The following RPL3L variants were observed in gnomAD, a reference collection of about 807,000 sequenced individuals.
RPL3L encodes the protein ribosomal protein uL3-like.
RPL3L carries 44 observed loss-of-function variants against 44.5 expected under a neutral mutation model. The observed-to-expected ratio is 0.99, with a 90% CI of 0.78 to 1.27. RPL3L has a LOEUF of 1.27. Ranked by LOEUF, RPL3L falls within the 50% of genes most tolerant of loss-of-function variation. The pLI, the probability that RPL3L is intolerant of heterozygous loss-of-function variation, is 0.00. For missense variants in RPL3L, 631 were observed against 569.1 expected, an observed-to-expected ratio of 1.11 and a Z score of -1.11; for synonymous variants, 292 against 230.7, an observed-to-expected ratio of 1.27 and a Z score of -2.41.
rs1220448287 is a variant in RPL3L, at chr16:1,953,953, C to G, written c.196+3G>C. 2 of 1,517,070 alleles carry G rather than the reference C, an allele frequency of 1.3e-6. No individual in the cohort carries two copies. The highest frequency in any genetic ancestry group is 2.8e-5 in the African/African-American group (2 of 71,594). The allele number at this position is 1,517,070 out of a possible 1,614,324, so 94.0% of individuals were successfully genotyped here. ...TCCCCCAAGGGTCCCAACTGTGACTCACTGAGCCCCGGCCGGTGCACCTCC... is the reference window on the plus strand; with the variant it reads ...TCCCCCAAGGGTCCCAACTGTGACTGACTGAGCCCCGGCCGGTGCACCTCC... On this transcript the variant is annotated splice_donor_region_variant and intron_variant, in intron 2 of 9. Transcript: ENST00000268661.
Position 1,947,384 on chromosome 16 carries a change from C to T in RPL3L, c.502-4G>A, listed in dbSNP as rs79075024. On this transcript the variant is annotated splice_region_variant and splice_polypyrimidine_tract_variant and intron_variant, in intron 4 of 9. Coordinates refer to ENST00000268661, the MANE Select transcript of RPL3L (RefSeq NM_005061.3). Reference sequence around the variant, plus strand: ...GCCGGAAGGGCAGCAGTTTCATCTGCAGGACATGGCCGGAGGTCACGCCAC... The same window carrying T: ...GCCGGAAGGGCAGCAGTTTCATCTGTAGGACATGGCCGGAGGTCACGCCAC... 1.3e-5 allele frequency: 21 copies of T among 1,570,594 alleles called. No homozygotes were observed. Among genetic ancestry groups the T allele is most frequent in the Non-Finnish European group, 1.8e-5 (21 of 1,160,000 alleles).
chr16:1,947,381 C>G lies in RPL3L; in HGVS notation c.502-1G>C, dbSNP rs777857284. On this transcript the variant is annotated splice_acceptor_variant, in intron 4 of 9. Coordinates refer to ENST00000268661, the MANE Select transcript of RPL3L (RefSeq NM_005061.3). LOFTEE classifies it high-confidence loss of function. ...TCTGCCGGAAGGGCAGCAGTTTCAT[C>G]TGCAGGACATGGCCGGAGGTCACGC... is the stretch of plus-strand genomic sequence containing the variant. 6.3e-7 allele frequency: 1 copy of G among 1,577,668 alleles called. No individual in the cohort carries two copies. The highest frequency in any genetic ancestry group is 8.6e-7 in the Non-Finnish European group (1 of 1,163,272).
chr16:1,952,779 C>CCA, intron 3 of RPL3L, 95 bp downstream of exon 3: 1 of 1,443,502 alleles, frequency 6.9e-7, no homozygotes, highest in African/African-American at 1.4e-5. Flanking sequence ...TCCTACTCAC[C>CCA]CACACCTATC....
chr16:1,947,001 C>A lies in RPL3L; in HGVS notation c.786G>T (p.Val262=), dbSNP rs146832350. 3 of 1,611,822 alleles carry A rather than the reference C, an allele frequency of 1.9e-6. No homozygotes were observed. The highest frequency in any genetic ancestry group is 3.5e-4 in the Middle Eastern group (2 of 5,676). Residue 262 remains valine (V), a synonymous_variant, in exon 6 of 10, where the codon GTG becomes GTT. Transcript: ENST00000268661. The stretch of plus-strand genomic sequence containing the variant: ...GCCCGGCCCGAGCAATGGAGCAGCC[C>A]ACGCGGGCGGGGTGCCAGGCGCCAA... The part of the protein sequence containing the change: ...ACIGAWHPAR[V]GCSIARAGQK...
chr16:1,954,596 AC>A (rs751097447), intron 1 of RPL3L, 32 bp downstream of exon 1: 6 of 1,538,452 alleles, frequency 3.9e-6, no homozygotes, highest in Admixed American at 2.0e-5. Context: ...TCCAGCTCCA[AC>A]CCCAGCCCAC....
Position 1,951,672 on chromosome 16 carries a change from GT to G in RPL3L, c.366-694del, listed in dbSNP as rs367671338. On this transcript the variant is annotated intron_variant, in intron 3 of 9. Coordinates refer to ENST00000268661, the MANE Select transcript of RPL3L (RefSeq NM_005061.3). ...GCTGGAATTATAGGAATGAACCATTGTGCCCAGCCAGAAGCCATAGTTTCTA... is the reference window on the plus strand; with the variant it reads ...GCTGGAATTATAGGAATGAACCATTGGCCCAGCCAGAAGCCATAGTTTCTA... 3.2e-4 allele frequency among the ~76,000 whole-genome samples: 48 copies of G among 151,420 alleles called. No individual in the cohort carries two copies. In the East Asian group the frequency reaches 4.3e-3, roughly 13 times the overall value.
At position 1,945,892 on chromosome 16, in the gene RPL3L, G is replaced by A. The variant is rs752134949; in HGVS notation, c.990C>T (p.Phe330=). ...FPHYGEVNND[F]VMLKGCIAGT... ...CAGCAATACAACCCTTCAGCATGACGAAGTCGTTGTTCACTTCCCCGTAGT... is the reference window on the plus strand; with the variant it reads ...CAGCAATACAACCCTTCAGCATGACAAAGTCGTTGTTCACTTCCCCGTAGT... Residue 330 remains phenylalanine (F), a synonymous_variant, in exon 8 of 10, where the codon TTC becomes TTT. Coordinates refer to ENST00000268661, the MANE Select transcript of RPL3L (RefSeq NM_005061.3). 8.7e-6 allele frequency: 14 copies of A among 1,613,530 alleles called. No individual in the cohort carries two copies. The highest frequency in any genetic ancestry group is 4.5e-5 in the East Asian group (2 of 44,886).
intron 4 of RPL3L, among the ~76,000 whole-genome samples, chr16:1,948,746 TG>T (rs1400479867): frequency 5.4e-5 from 8 of 147,680 alleles, no homozygotes; most frequent in African/African-American, 2.0e-4. Context: ...GACGGAGTTT[TG>T]CTCTGTCGCC....
In RPL3L at chr16:1,947,198, G is replaced by C. The variant is rs767517736; in HGVS notation, c.684C>G (p.Val228=). 8 of 1,612,854 alleles carry C rather than the reference G, an allele frequency of 5.0e-6. No homozygotes were observed. In the Admixed American group the frequency reaches 1.0e-4, roughly 20 times the overall value. The part of the protein sequence containing the change: ...DVIAVTKGRG[V]KGVTSRWHTK... The stretch of plus-strand genomic sequence containing the variant: ...GCCATCCTCACTGAGCCCTACCTTT[G>C]ACGCCTCGACCCTTGGTGACAGCAA... Residue 228 remains valine, a synonymous_variant, in exon 5 of 10, where the codon GTC becomes GTG. Transcript: ENST00000268661.
chr16:1,948,159 C>G (rs182376352), intron 4 of RPL3L, among the ~76,000 whole-genome samples: 15 of 151,838 alleles, frequency 9.9e-5, no homozygotes, highest in Non-Finnish European at 1.5e-4. Context: ...GGATGGTCTG[C>G]ATCTCCTGAC....
intron 1 of RPL3L, 42 bp from the exon 2 acceptor site, chr16:1,954,190 T>A: frequency 6.7e-7 from 1 of 1,494,258 alleles, no homozygotes. Flanking sequence ...GGGGTGTCCC[T>A]GGTGGTAGAG....
rs1418349514 is a variant in RPL3L, at chr16:1,944,596, T to C, written c.*241A>G. On this transcript the variant is annotated 3_prime_UTR_variant, in exon 10 of 10. Coordinates refer to ENST00000268661, the MANE Select transcript of RPL3L (RefSeq NM_005061.3). ...TCCGCAAATGCTCAAAGAGATCGAT[T>C]TGAGTAATAATAAAACATAAAACTC... The C allele has an allele frequency of 6.3e-6, 3 of 476,194 alleles. No homozygotes were observed. The highest frequency in any genetic ancestry group is 3.9e-5 in the African/African-American group (2 of 51,630). 29.5% of individuals were successfully genotyped at this position (476,194 alleles called of 1,614,324 possible).
rs1005258865 is a variant in RPL3L at position 1,954,053 on chromosome 16, C to T, written c.99G>A (p.Pro33=). Residue 33 remains proline (P), a synonymous_variant, in exon 2 of 10, where the codon CCG becomes CCA. Coordinates refer to ENST00000268661, the MANE Select transcript of RPL3L (RefSeq NM_005061.3). ...HRHRGKVKTW[P]RDDPSQPVHL... is the part of the protein sequence containing the mutation. ...GCACGGGCTGGCTGGGGTCATCCCG[C>T]GGCCACGTCTTCACCTTGCCCCGGT... The T allele has an allele frequency of 6.8e-6, 11 of 1,607,066 alleles. No individual in the cohort carries two copies. Among genetic ancestry groups the T allele is most frequent in the Admixed American group, 5.1e-5 (3 of 59,148 alleles).
At chr16:1,954,226 G>GTAGTCCATTTCTCCAGGTAT in intron 1 of RPL3L, 78 bp from the exon 2 acceptor site, 1 of 1,359,608 alleles carries the variant, frequency 7.4e-7, no homozygotes, top group Non-Finnish European at 9.8e-7. Flanking sequence ...ACCCATACCT[G>GTAGTCCATTTCTCCAGGTAT]GAGAAATGGA....
At chr16:1,950,533 C>G (rs774926090) in intron 4 of RPL3L, among the ~76,000 whole-genome samples, 1 of 152,116 alleles carries the variant, frequency 6.6e-6, no homozygotes, top group Admixed American at 6.5e-5. Flanking sequence ...TGCACACTTA[C>G]GCTGGAAACC....
Position 1,954,638 on chromosome 16 carries a change from C to T in RPL3L, c.-7G>A, listed in dbSNP as rs369351903. 10 of 1,549,728 alleles carry T rather than the reference C, an allele frequency of 6.5e-6. No homozygotes were observed. Among genetic ancestry groups the T allele is most frequent in the Non-Finnish European group, 8.7e-6 (10 of 1,148,722 alleles). ...CCCTGGTCCCACCAACCATGGTGGC[C>T]GATCCCTGAAGGTCAGGAAGGGGCC... On this transcript the variant is annotated 5_prime_UTR_variant, in exon 1 of 10. Coordinates refer to ENST00000268661, the MANE Select transcript of RPL3L (RefSeq NM_005061.3).
intron 4 of RPL3L, among the ~76,000 whole-genome samples, chr16:1,949,628 G>A (rs2150863707): frequency 6.7e-6 from 1 of 149,016 alleles, no homozygotes; most frequent in South Asian, 2.2e-4. Flanking sequence ...TGTAGAGGTG[G>A]AGACAGAGAG....
intron 2 of RPL3L, 114 bp downstream of exon 2, chr16:1,953,842 G>T: frequency 1.8e-6 from 2 of 1,121,446 alleles, no homozygotes; most frequent in Non-Finnish European, 2.4e-6. Context: ...CGGGGGCGAG[G>T]CCTGGTGCTC....
At chr16:1,946,173 C>A (rs1199898218) in intron 7 of RPL3L, among the ~76,000 whole-genome samples, 1 of 152,210 alleles carries the variant, frequency 6.6e-6, no homozygotes, top group Non-Finnish European at 1.5e-5. Flanking sequence ...GACTGAGGAT[C>A]AGAGGAGTGG....
Sources: gnomAD v4.1 joint callset for allele counts (sites outside exome capture counted in the v4.1 genomes callset) on GRCh38, gnomAD v4.1.1 for gene constraint, MANE v1.5 for transcripts, NCBI Gene and HGNC (gene_info 2026-07-23, HGNC 2026-07-21) for gene names.